EFL1: variants seen among roughly 807,000 people sequenced by gnomAD.
The protein encoded by EFL1 is elongation factor like GTPase 1.
A neutral mutation model predicts 126.7 loss-of-function variants in EFL1; 76 were observed. The observed-to-expected ratio is 0.60, with a 90% CI of 0.50 to 0.73. The LOEUF (loss-of-function observed/expected upper bound fraction) is 0.73, where lower values mean the gene tolerates loss of function less well. Ranked by LOEUF, EFL1 falls within the 30% of genes least tolerant of loss-of-function variation. The pLI is 0.00. For synonymous variants in EFL1, 410 were observed against 448.4 expected (o/e 0.91, Z 1.08); for missense variants, 1,128 against 1,343.2 (o/e 0.84, Z 2.50).
At position 82,220,164 on chromosome 15, in the gene EFL1, A is replaced by C; in HGVS notation, c.1358T>G (p.Leu453Arg). The change falls in exon 13 of 20, where the codon CTT becomes CGT. Residue 453 changes from leucine to arginine, a missense_variant. This residue lies in a region of EFL1 where 120 missense variants were observed against 142.1 expected (regional missense o/e 0.84). Coordinates refer to ENST00000268206, the MANE Select transcript of EFL1 (RefSeq NM_024580.6). ...GGGTGCCTGTCCCTGTGCTGCTGCA[A>C]GCTTCTCTGCATGCCTTTGTCTTGC... ...ERARQRHAEK[L>R]AAAQGQAPLE... 1 of 1,613,780 alleles carries C rather than the reference A, an allele frequency of 6.2e-7. No homozygotes were observed. Among genetic ancestry groups the C allele is most frequent in the Non-Finnish European group, 8.5e-7 (1 of 1,179,824 alleles).
At chr15:82,146,110 A>C in intron 18 of EFL1, among the ~76,000 whole-genome samples, 1 of 152,168 alleles carries the variant, frequency 6.6e-6, no homozygotes, top group East Asian at 1.9e-4. Context: ...AAAGTATAGA[A>C]AGACATTTTC....
chr15:82,260,203 C>T, intron 2 of EFL1, among the ~76,000 whole-genome samples: 1 of 151,918 alleles, frequency 6.6e-6, no homozygotes, highest in Admixed American at 6.6e-5. Flanking sequence ...TTTGTTACAC[C>T]CCACTAACTT....
intron 15 of EFL1, among the ~76,000 whole-genome samples, chr15:82,193,510 T>C (rs1262679644): frequency 6.6e-6 from 1 of 152,252 alleles, no homozygotes; most frequent in African/African-American, 2.4e-5. Flanking sequence ...TGAGAGTCCA[T>C]GGCATTATTA....
intron 16 of EFL1, among the ~76,000 whole-genome samples, chr15:82,158,682 G>C (rs913845033): frequency 6.6e-6 from 1 of 152,126 alleles, no homozygotes; most frequent in Admixed American, 6.5e-5. Flanking sequence ...CAAAATCACA[G>C]GAACTTTCTG....
At chr15:82,144,999 A>C (rs1469684650) in intron 18 of EFL1, among the ~76,000 whole-genome samples, 6 of 140,784 alleles carry the variant, frequency 4.3e-5, no homozygotes, top group Non-Finnish European at 9.5e-5. Flanking sequence ...CTCAAAAAAG[A>C]AAAAAAAAAA....
At chr15:82,179,297 G>T (rs1313425847) in intron 15 of EFL1, among the ~76,000 whole-genome samples, 1 of 152,142 alleles carries the variant, frequency 6.6e-6, no homozygotes, top group East Asian at 1.9e-4. Flanking sequence ...ACCTCATCAG[G>T]TAAACAAAAT....
intron 4 of EFL1, among the ~76,000 whole-genome samples, chr15:82,252,076 G>A (rs1330814084): frequency 1.3e-5 from 2 of 152,038 alleles, no homozygotes; most frequent in East Asian, 3.9e-4. Context: ...ATTTTCCCCT[G>A]TACAATAACA....
At chr15:82,157,882 G>A in intron 16 of EFL1, 22 bp from the exon 17 acceptor site, 1 of 1,603,324 alleles carries the variant, frequency 6.2e-7, no homozygotes, top group Non-Finnish European at 8.5e-7. Context: ...AAACGAAATA[G>A]ATTAAATATG....
chr15:82,211,475 G>A (rs1472102504), intron 15 of EFL1, among the ~76,000 whole-genome samples: 1 of 150,470 alleles, frequency 6.6e-6, no homozygotes, highest in African/African-American at 2.5e-5. Context: ...ACAGTGAGCC[G>A]AGATTGTGCC....
At chr15:82,176,703 T>C (rs1045412321) in intron 15 of EFL1, among the ~76,000 whole-genome samples, 7 of 152,208 alleles carry the variant, frequency 4.6e-5, no homozygotes, top group African/African-American at 1.7e-4. Flanking sequence ...AACTTTCAGA[T>C]ACCCCTGGTG....
intron 19 of EFL1, among the ~76,000 whole-genome samples, chr15:82,136,544 A>G (rs916334869): frequency 6.6e-6 from 1 of 152,228 alleles, no homozygotes; most frequent in African/African-American, 2.4e-5. Flanking sequence ...CTGTAATCAC[A>G]CATCTGGTCA....
intron 15 of EFL1, among the ~76,000 whole-genome samples, chr15:82,180,370 A>AC (rs1319873229): frequency 3.9e-5 from 4 of 102,762 alleles, no homozygotes; most frequent in African/African-American, 6.0e-5. Context: ...AAAAAAAAAA[A>AC]AACAAAAAAA....
At chr15:82,227,374 G>A (rs2074774878) in intron 11 of EFL1, 76 bp downstream of exon 11, 1 of 1,606,554 alleles carries the variant, frequency 6.2e-7, no homozygotes, top group Non-Finnish European at 8.5e-7. Context: ...CTAGCGTTCA[G>A]CAAACTGGTC....
chr15:82,235,804 C>T (rs980831441), intron 7 of EFL1, among the ~76,000 whole-genome samples: 11 of 152,254 alleles, frequency 7.2e-5, no homozygotes, highest in African/African-American at 2.6e-4. Flanking sequence ...AGGATGCCCA[C>T]TCCCATCAAT....
intron 15 of EFL1, among the ~76,000 whole-genome samples, chr15:82,213,156 G>GAAATAAA (rs2074607190): frequency 6.6e-6 from 1 of 152,166 alleles, no homozygotes; most frequent in Non-Finnish European, 1.5e-5. Context: ...AATAAATCTG[G>GAAATAAA]CTTTTCCTCT....
intron 15 of EFL1, among the ~76,000 whole-genome samples, chr15:82,182,768 T>C (rs986915278): frequency 2.7e-5 from 4 of 150,884 alleles, no homozygotes; most frequent in Admixed American, 6.6e-5. Flanking sequence ...GAGCTTGCAG[T>C]GAACCGAGAT....
chr15:82,237,125 A>G (rs1041951557), intron 7 of EFL1, among the ~76,000 whole-genome samples: 8 of 152,230 alleles, frequency 5.3e-5, no homozygotes, highest in African/African-American at 1.7e-4. Flanking sequence ...CCTGGGCAAC[A>G]GGGCAAGACT....
chr15:82,158,003 A>C (rs1000390380), intron 16 of EFL1, 143 bp from the exon 17 acceptor site: 14 of 986,550 alleles, frequency 1.4e-5, no homozygotes, highest in Non-Finnish European at 2.0e-5. Flanking sequence ...TAGTGTAGTG[A>C]TGTGAAGAAA....
In EFL1 at chr15:82,144,160, G is replaced by C. The variant is rs187674222; in HGVS notation, c.2990-5318C>G. ...CTGTGCTTCCTGGAGGCTGAGGTGGGAGGAGCGCTTTGAGCCTAGGAGGTT... is the reference window on the plus strand; with the variant it reads ...CTGTGCTTCCTGGAGGCTGAGGTGGCAGGAGCGCTTTGAGCCTAGGAGGTT... On this transcript the variant is annotated intron_variant, in intron 18 of 19. Coordinates refer to ENST00000268206, the MANE Select transcript of EFL1 (RefSeq NM_024580.6). Among the ~76,000 whole-genome samples the C allele has an allele frequency of 2.0e-3, 299 of 152,036 alleles. 1 individual carries two copies. Among genetic ancestry groups the C allele is most frequent in the Non-Finnish European group, 2.6e-3 (174 of 68,002 alleles).
Sources: allele counts gnomAD v4.1 joint callset (sites outside exome capture counted in the v4.1 genomes callset), GRCh38; gene constraint gnomAD v4.1.1; regional missense constraint gnomAD v4.1.1; transcripts MANE v1.5; gene names NCBI Gene and HGNC (gene_info 2026-07-23, HGNC 2026-07-21).